GIN1: variants seen among roughly 807,000 people sequenced by gnomAD.
GIN1 encodes gypsy retrotransposon integrase 1, also known as gypsy retrotransposon integrase-like protein 1.
In GIN1, 41 loss-of-function variants were observed where a neutral mutation model predicts 51.4. The ratio of observed to expected loss-of-function variants is 0.80; its 90% CI spans 0.62 to 1.04. GIN1 has a LOEUF of 1.04. Ranked by LOEUF, GIN1 falls within the 50% of genes least tolerant of loss-of-function variation. The pLI, the probability that GIN1 is intolerant of heterozygous loss-of-function variation, is 0.00. For synonymous variants in GIN1, 222 were observed against 206.5 expected (o/e 1.07, Z -0.64); for missense variants, 610 against 612.4 (o/e 1.00, Z 0.04).
intron 7 of GIN1, among the ~76,000 whole-genome samples, chr5:103,089,930 T>A (rs781843694): frequency 4.6e-5 from 7 of 152,072 alleles, no homozygotes; most frequent in Non-Finnish European, 1.0e-4. Context: ...ATGGCATAAG[T>A]GGGCTTGGGC....
chr5:103,117,626 G>A (rs189048615), intron 1 of GIN1, among the ~76,000 whole-genome samples: 381 of 139,938 alleles, frequency 2.7e-3, no homozygotes, highest in Non-Finnish European at 3.2e-3. Context: ...TGTAGGTAGA[G>A]TCTGTATTCG....
intron 4 of GIN1, among the ~76,000 whole-genome samples, chr5:103,102,033 T>C (rs1554195841): frequency 6.6e-6 from 1 of 152,186 alleles, no homozygotes; most frequent in Non-Finnish European, 1.5e-5. Context: ...ATAAATCTCC[T>C]ATTATTATGC....
At chr5:103,105,408 T>G (rs1221288340) in intron 3 of GIN1, among the ~76,000 whole-genome samples, 1 of 152,216 alleles carries the variant, frequency 6.6e-6, no homozygotes, top group African/African-American at 2.4e-5. Context: ...AGTTTCCTAT[T>G]AAATCAGTAT....
chr5:103,097,436 G>A lies in GIN1; in HGVS notation c.886C>T (p.Pro296Ser), dbSNP rs1340539840. 1.9e-6 allele frequency: 3 copies of A among 1,579,822 alleles called. No individual in the cohort carries two copies. The highest frequency in any genetic ancestry group is 2.6e-6 in the Non-Finnish European group (3 of 1,150,638). Residue 296 changes from proline to serine, a missense_variant, in exon 6 of 8, where the codon CCT (proline) becomes TCT (serine). Pro to Ser is a moderately conservative substitution (Grantham distance 74). Transcript: ENST00000399004. Reference sequence around the variant, plus strand: ...TCATGAAGACTATCTGAAGTCTCAGGCATATAAGGATTTCGACTAAACATT... The same window carrying A: ...TCATGAAGACTATCTGAAGTCTCAGACATATAAGGATTTCGACTAAACATT... ...FQMFSRNPYM[P>S]ETSDSLHEVD...
At chr5:103,103,898 T>A (rs1554195997) in intron 4 of GIN1, among the ~76,000 whole-genome samples, 2 of 152,092 alleles carry the variant, frequency 1.3e-5, no homozygotes, top group African/African-American at 4.8e-5. Flanking sequence ...CAAGTGATCC[T>A]CCTATCTCAA....
intron 1 of GIN1, among the ~76,000 whole-genome samples, chr5:103,115,829 T>C (rs1554197330): frequency 1.3e-5 from 2 of 152,178 alleles, no homozygotes; most frequent in South Asian, 2.1e-4. Flanking sequence ...AAAAAACTTA[T>C]GGTATGATGT....
intron 7 of GIN1, among the ~76,000 whole-genome samples, chr5:103,090,260 G>C (rs1231989176): frequency 6.6e-6 from 1 of 152,216 alleles, no homozygotes. Context: ...TTGCACTCCA[G>C]CCTAGGTGAC....
At chr5:103,094,300 GCAATAAGAA>G (rs1242229229) in intron 7 of GIN1, among the ~76,000 whole-genome samples, 3 of 152,056 alleles carry the variant, frequency 2.0e-5, no homozygotes, top group Non-Finnish European at 4.4e-5. Context: ...AAAGGATCAA[GCAATAAGAA>G]CCAGATTCTA....
At chr5:103,093,498 C>T (rs1562325860) in intron 7 of GIN1, among the ~76,000 whole-genome samples, 1 of 152,116 alleles carries the variant, frequency 6.6e-6, no homozygotes, top group Admixed American at 6.5e-5. Flanking sequence ...TTGATTTTAG[C>T]CCAGTAAGAT....
intron 1 of GIN1, among the ~76,000 whole-genome samples, chr5:103,111,776 A>G (rs1787890330): frequency 6.6e-6 from 1 of 151,698 alleles, no homozygotes; most frequent in Non-Finnish European, 1.5e-5. Context: ...ATATTTAAAA[A>G]CCTCTTGGTT....
chr5:103,109,304 T>C (rs1191789433), intron 1 of GIN1, among the ~76,000 whole-genome samples: 1 of 152,084 alleles, frequency 6.6e-6, no homozygotes, highest in African/African-American at 2.4e-5. Flanking sequence ...GAATGTCTTC[T>C]GTTTCCTGCT....
In GIN1 at chr5:103,109,394, G is replaced by A. The variant is rs2151474370; in HGVS notation, c.-7-680C>T. ...ACTGACCACTGGAAGATCTAGGGAT[G>A]AGACTAAGAGTATTTACTGGAAAGA... is the stretch of plus-strand genomic sequence containing the variant. On this transcript the variant is annotated intron_variant, in intron 1 of 7. Coordinates refer to ENST00000399004, the MANE Select transcript of GIN1 (RefSeq NM_017676.2). Among the ~76,000 whole-genome samples the A allele has an allele frequency of 2.0e-5, 3 of 152,224 alleles. No individual in the cohort carries two copies. In the Middle Eastern group the frequency reaches 0.01, roughly 518 times the overall value.
At chr5:103,114,289 A>C (rs1787966145) in intron 1 of GIN1, among the ~76,000 whole-genome samples, 1 of 152,258 alleles carries the variant, frequency 6.6e-6, no homozygotes. Flanking sequence ...GAATACCTGT[A>C]CCAGTCAGCT....
chr5:103,108,494 T>C lies in GIN1; in HGVS notation c.139+75A>G, dbSNP rs1486634142. 5 of 1,031,780 alleles carry C rather than the reference T, an allele frequency of 4.8e-6. No individual in the cohort carries two copies. In the African/African-American group the frequency reaches 6.4e-5, roughly 13 times the overall value. 63.9% of individuals were successfully genotyped at this position (1,031,780 alleles called of 1,614,324 possible). ...TAGCAACAACCAACTACTACAGAAA[T>C]TCCCAAACTTCCACAAGGAAGAATG... On this transcript the variant is annotated intron_variant, in intron 2 of 7. Coordinates refer to ENST00000399004, the MANE Select transcript of GIN1 (RefSeq NM_017676.2).
intron 4 of GIN1, among the ~76,000 whole-genome samples, chr5:103,101,169 A>G (rs533246244): frequency 5.3e-5 from 8 of 152,314 alleles, no homozygotes; most frequent in South Asian, 2.1e-4. Flanking sequence ...CTTAAATAAA[A>G]TAAGGGTAAC....
Position 103,097,419 on chromosome 5 carries a change from A to T in GIN1, c.903T>A (p.Ser301Arg), listed in dbSNP as rs1787435066. 6.4e-7 allele frequency: 1 copy of T among 1,564,582 alleles called. No homozygotes were observed. Among genetic ancestry groups the T allele is most frequent in the Non-Finnish European group, 8.8e-7 (1 of 1,135,292 alleles). The change falls in exon 6 of 8, where the codon AGT (serine) becomes AGA (arginine). Residue 301 changes from serine (S) to arginine (R), a missense_variant. Physicochemically the swap from Ser to Arg is moderately radical, Grantham distance 110. Transcript: ENST00000399004. ...TATTATCACCATCCACTTCATGAAG[A>T]CTATCTGAAGTCTCAGGCATATAAG... ...RNPYMPETSD[S>R]LHEVDGDNTS...
intron 1 of GIN1, among the ~76,000 whole-genome samples, chr5:103,113,268 T>C (rs137987979): frequency 6.6e-6 from 1 of 152,278 alleles, no homozygotes; most frequent in African/African-American, 2.4e-5. Flanking sequence ...ATAACAAATA[T>C]ACCATAAACT....
At chr5:103,106,596 A>T in intron 3 of GIN1, 120 bp downstream of exon 3, 2 of 592,772 alleles carry the variant, frequency 3.4e-6, no homozygotes, top group Non-Finnish European at 5.8e-6. Flanking sequence ...AACTCCCTTT[A>T]AGTGATTGCC....
chr5:103,096,478 G>A (rs1273386092), intron 7 of GIN1, 63 bp downstream of exon 7: 10 of 1,192,156 alleles, frequency 8.4e-6, no homozygotes, highest in Non-Finnish European at 1.2e-5. Flanking sequence ...AAAGGTTTCT[G>A]TTATTTTTAA....
Sources: gnomAD v4.1 joint callset for allele counts (sites outside exome capture counted in the v4.1 genomes callset) on GRCh38, gnomAD v4.1.1 for gene constraint, MANE v1.5 for transcripts, NCBI Gene and HGNC (gene_info 2026-07-23, HGNC 2026-07-21) for gene names.